TRERF1: variants seen among roughly 807,000 people sequenced by gnomAD.
TRERF1 encodes transcriptional regulating factor 1.
In TRERF1, 27 loss-of-function variants were observed where a neutral mutation model predicts 122.9. That is an observed-to-expected ratio of 0.22 (90% CI 0.16 to 0.30). The LOEUF is 0.30. Ranked by LOEUF, TRERF1 falls within the 10% of genes least tolerant of loss-of-function variation. The probability of loss-of-function intolerance (pLI) is 1.00; values close to 1 mark genes in which losing one functional copy is unlikely to be tolerated. For synonymous variants in TRERF1, 636 were observed against 641.7 expected (o/e 0.99, Z 0.13); for missense variants, 1,248 against 1,560.3 (o/e 0.80, Z 3.37).
At chr6:42,332,623 A>AGGGAGGGAAGAGAGGT (rs1765440692) in intron 3 of TRERF1, among the ~76,000 whole-genome samples, 1 of 151,862 alleles carries the variant, frequency 6.6e-6, no homozygotes, top group African/African-American at 2.4e-5. Flanking sequence ...CTATAATAGG[A>AGGGAGGGAAGAGAGGT]CCTCTCTTCC....
intron 2 of TRERF1, among the ~76,000 whole-genome samples, chr6:42,412,655 C>T (rs1472040570): frequency 4.6e-5 from 7 of 152,078 alleles, no homozygotes; most frequent in African/African-American, 7.2e-5. Context: ...TGGGGCATGA[C>T]GGCTCATGCC....
At chr6:42,225,426 C>A (rs1037779840) in exon 18 of TRERF1, 2 of 151,880 alleles carry the variant, frequency 1.3e-5, no homozygotes, top group African/African-American at 4.8e-5. Context: ...CTAGAAAATA[C>A]GGTCCTCTTG....
intron 9 of TRERF1, among the ~76,000 whole-genome samples, chr6:42,258,875 C>G (rs1777260154): frequency 6.6e-6 from 1 of 152,184 alleles, no homozygotes; most frequent in Non-Finnish European, 1.5e-5. Context: ...GCTGGGATTA[C>G]AGGTGCGTGC....
At chr6:42,399,793 T>G (rs546115763) in intron 2 of TRERF1, among the ~76,000 whole-genome samples, 2 of 152,280 alleles carry the variant, frequency 1.3e-5, no homozygotes, top group South Asian at 4.1e-4. Context: ...TGTCTGGTAG[T>G]AACTGAATGC....
intron 3 of TRERF1, among the ~76,000 whole-genome samples, chr6:42,359,403 C>T (rs2150927215): frequency 6.6e-6 from 1 of 152,264 alleles, no homozygotes; most frequent in Non-Finnish European, 1.5e-5. Flanking sequence ...GGGGGTCACT[C>T]ATCCCTCCAG....
intron 2 of TRERF1, among the ~76,000 whole-genome samples, chr6:42,416,424 A>T (rs79528889): frequency 1.3e-5 from 2 of 152,186 alleles, no homozygotes; most frequent in African/African-American, 2.4e-5. Flanking sequence ...TTAGAAACGG[A>T]TGTGTAATTT....
intron 2 of TRERF1, among the ~76,000 whole-genome samples, chr6:42,412,000 CTTTTTTTTT>C (rs5875801): frequency 1.6e-5 from 2 of 125,290 alleles, no homozygotes; most frequent in South Asian, 4.9e-4. Context: ...TTAAAAAATC[CTTTTTTTTT>C]TTTTTTTTGA....
intron 3 of TRERF1, among the ~76,000 whole-genome samples, chr6:42,321,897 A>G (rs1763523481): frequency 6.6e-6 from 1 of 152,280 alleles, no homozygotes; most frequent in Non-Finnish European, 1.5e-5. Context: ...TTATGCAATC[A>G]CAATAGCATA....
intron 13 of TRERF1, among the ~76,000 whole-genome samples, chr6:42,246,962 C>T (rs146230074): frequency 6.6e-6 from 1 of 152,306 alleles, no homozygotes; most frequent in East Asian, 1.9e-4. Context: ...GTAGCAAGTA[C>T]CCTTCAGGGT....
At chr6:42,443,711 T>G (rs1415795373) in intron 2 of TRERF1, among the ~76,000 whole-genome samples, 1 of 152,164 alleles carries the variant, frequency 6.6e-6, no homozygotes, top group Non-Finnish European at 1.5e-5. Context: ...GAGGCCAGCC[T>G]TCCGACAAGA....
At chr6:42,359,636 A>C (rs990699834) in intron 3 of TRERF1, among the ~76,000 whole-genome samples, 5 of 152,206 alleles carry the variant, frequency 3.3e-5, no homozygotes, top group African/African-American at 1.2e-4. Context: ...AGGCAGGAGA[A>C]TCACTTGAAC....
At chr6:42,392,836 T>C (rs1777963932) in intron 2 of TRERF1, among the ~76,000 whole-genome samples, 1 of 152,000 alleles carries the variant, frequency 6.6e-6, no homozygotes, top group South Asian at 2.1e-4. Flanking sequence ...AGACAACATA[T>C]GTCAAATGTC....
At chr6:42,434,973 C>T (rs942018649) in intron 2 of TRERF1, among the ~76,000 whole-genome samples, 1 of 151,914 alleles carries the variant, frequency 6.6e-6, no homozygotes, top group Non-Finnish European at 1.5e-5. Flanking sequence ...ACTAAAACTA[C>T]AAAAAAGTTA....
intron 3 of TRERF1, among the ~76,000 whole-genome samples, chr6:42,328,299 G>C (rs899852178): frequency 6.6e-6 from 1 of 152,024 alleles, no homozygotes; most frequent in Non-Finnish European, 1.5e-5. Flanking sequence ...ATGAGCCACT[G>C]TGCCCAGCCA....
At chr6:42,358,757 G>C (rs1771093874) in intron 3 of TRERF1, among the ~76,000 whole-genome samples, 1 of 150,966 alleles carries the variant, frequency 6.6e-6, no homozygotes, top group Middle Eastern at 3.5e-3. Context: ...AAAAAAGACT[G>C]GGAGCCCTAG....
exon 3 of TRERF1, chr6:42,363,045 C>A (rs551953215): frequency 1.3e-5 from 2 of 153,624 alleles, no homozygotes; most frequent in East Asian, 3.9e-4. Context: ...CCTGCTTCTG[C>A]GTCTTCTTCC....
At chr6:42,250,696 G>T (rs1204550255) in intron 13 of TRERF1, among the ~76,000 whole-genome samples, 1 of 152,040 alleles carries the variant, frequency 6.6e-6, no homozygotes, top group Non-Finnish European at 1.5e-5. Context: ...GGAATTCCTG[G>T]CTATTGGGCT....
At chr6:42,349,316 T>A (rs984414250) in intron 3 of TRERF1, among the ~76,000 whole-genome samples, 2 of 151,712 alleles carry the variant, frequency 1.3e-5, no homozygotes, top group Non-Finnish European at 2.9e-5. Context: ...TTGGGGCATC[T>A]CAGCTGAGCC....
At chr6:42,313,868 T>C (rs1388569156) in intron 3 of TRERF1, among the ~76,000 whole-genome samples, 2 of 152,194 alleles carry the variant, frequency 1.3e-5, no homozygotes, top group Non-Finnish European at 2.9e-5. Flanking sequence ...GACTCACTTC[T>C]ACGTTGCCTT....
Sources: allele counts gnomAD v4.1 joint callset (sites outside exome capture counted in the v4.1 genomes callset), GRCh38; gene constraint gnomAD v4.1.1; transcripts MANE v1.5; gene names NCBI Gene and HGNC (gene_info 2026-07-23, HGNC 2026-07-21).